Variants in TSPAN18 observed in about 807,000 individuals in gnomAD.
TSPAN18 encodes tetraspanin-18.
TSPAN18 carries 14 observed loss-of-function variants against 27.3 expected under a neutral mutation model. That is an observed-to-expected ratio of 0.51 (90% CI 0.34 to 0.80). TSPAN18 has a LOEUF of 0.80. TSPAN18 is among the 30% of genes least tolerant of loss of function. The pLI is 0.01. For missense variants in TSPAN18, 268 were observed against 323.9 expected (o/e 0.83, Z 1.32); for synonymous variants, 143 against 136.5 (o/e 1.05, Z -0.33).
At chr11:44,756,277 C>G (rs80002692) in intron 1 of TSPAN18, among the ~76,000 whole-genome samples, 1 of 146,974 alleles carries the variant, frequency 6.8e-6, no homozygotes, top group Non-Finnish European at 1.5e-5. Flanking sequence ...AGGGGTGTAG[C>G]CCCCATCTGT....
chr11:44,837,036 T>C (rs1201098221), intron 2 of TSPAN18, among the ~76,000 whole-genome samples: 1 of 152,216 alleles, frequency 6.6e-6, no homozygotes, highest in East Asian at 1.9e-4. Flanking sequence ...CTGCAGCCCA[T>C]GGATCAAGAA....
chr11:44,890,697 C>T (rs7951922), intron 3 of TSPAN18, among the ~76,000 whole-genome samples: 5,510 of 144,156 alleles, frequency 0.038, 259 homozygotes, highest in African/African-American at 0.1. Flanking sequence ...GAGCCGAGAT[C>T]ACGCCACTGC....
intron 7 of TSPAN18, 152 bp from the exon 8 acceptor site, chr11:44,919,665 G>A (rs1565009811): frequency 1.3e-6 from 1 of 766,606 alleles, no homozygotes; most frequent in East Asian, 2.4e-5. Flanking sequence ...AAGCTGAGTG[G>A]CTTTCCCATG....
intron 1 of TSPAN18, among the ~76,000 whole-genome samples, chr11:44,758,925 A>G (rs1855390638): frequency 6.6e-6 from 1 of 152,178 alleles, no homozygotes; most frequent in Admixed American, 6.5e-5. Flanking sequence ...CCTGTTGAAG[A>G]TAGGCAGCAG....
intron 3 of TSPAN18, among the ~76,000 whole-genome samples, chr11:44,865,674 T>G (rs1392026897): frequency 6.6e-6 from 1 of 152,098 alleles, no homozygotes; most frequent in East Asian, 1.9e-4. Flanking sequence ...GACTAGAACT[T>G]TTCTTCTTTT....
intron 4 of TSPAN18, among the ~76,000 whole-genome samples, chr11:44,908,728 T>A: frequency 1.0e-5 from 1 of 96,674 alleles, no homozygotes. Flanking sequence ...AGCAAGACTG[T>A]CTCAAAAAAG....
At chr11:44,845,346 G>A (rs536273542) in intron 2 of TSPAN18, among the ~76,000 whole-genome samples, 8 of 152,324 alleles carry the variant, frequency 5.3e-5, no homozygotes, top group African/African-American at 1.7e-4. Flanking sequence ...CTGTTGCATC[G>A]ATGAAAGGTG....
At chr11:44,906,327 G>C in intron 3 of TSPAN18, 80 bp from the exon 4 acceptor site, 1 of 1,292,810 alleles carries the variant, frequency 7.7e-7, no homozygotes, top group Non-Finnish European at 1.1e-6. Flanking sequence ...GCTGGCTGCG[G>C]GGAACCCCTG....
intron 1 of TSPAN18, among the ~76,000 whole-genome samples, chr11:44,729,083 A>G (rs1565123938): frequency 1.3e-5 from 2 of 152,192 alleles, no homozygotes; most frequent in East Asian, 3.8e-4. Context: ...AGTCTGCCAC[A>G]TGTTTTTGTT....
intron 2 of TSPAN18, among the ~76,000 whole-genome samples, chr11:44,858,163 C>G (rs1414912429): frequency 6.6e-6 from 1 of 152,200 alleles, no homozygotes; most frequent in East Asian, 1.9e-4. Flanking sequence ...ACCTTTCTAT[C>G]TCATTTCTAC....
chr11:44,931,112 C>T lies in TSPAN18; in HGVS notation c.*1934C>T, dbSNP rs554696061. ...CTTGCCCTCCCACCAGGTCTCTGAG[C>T]TCAGTGTTACCAAATTCGCCCTTTA... On this transcript the variant is annotated 3_prime_UTR_variant, in exon 10 of 10. Transcript: ENST00000520358. 1.3e-5 allele frequency: 5 copies of T among 374,612 alleles called. No homozygotes were observed. The Admixed American group carries it at 1.6e-4, about 12-fold the overall frequency. 23.2% of individuals were successfully genotyped at this position (374,612 alleles called of 1,614,324 possible).
At chr11:44,851,766 T>C (rs1350153414) in intron 2 of TSPAN18, among the ~76,000 whole-genome samples, 1 of 152,120 alleles carries the variant, frequency 6.6e-6, no homozygotes, top group African/African-American at 2.4e-5. Context: ...TTAGAGCACC[T>C]TTCTTCCTCA....
intron 2 of TSPAN18, among the ~76,000 whole-genome samples, chr11:44,811,174 A>ACC (rs1554986615): frequency 4.3e-4 from 54 of 126,080 alleles, no homozygotes; most frequent in African/African-American, 1.3e-3. Context: ...ACACACACAC[A>ACC]CCCCTGCCTG....
chr11:44,740,660 T>C (rs903777986), intron 1 of TSPAN18, among the ~76,000 whole-genome samples: 5 of 152,218 alleles, frequency 3.3e-5, no homozygotes, highest in Non-Finnish European at 7.4e-5. Context: ...AACCCCATCC[T>C]AGCCTGTGAA....
chr11:44,878,989 T>C (rs1350022312), intron 3 of TSPAN18, among the ~76,000 whole-genome samples: 1 of 152,210 alleles, frequency 6.6e-6, no homozygotes, highest in Non-Finnish European at 1.5e-5. Flanking sequence ...CAGGGCTGGC[T>C]TCACAGCCAC....
chr11:44,750,560 A>G (rs1374061084), intron 1 of TSPAN18, among the ~76,000 whole-genome samples: 1 of 151,956 alleles, frequency 6.6e-6, no homozygotes, highest in Non-Finnish European at 1.5e-5. Flanking sequence ...TGAATGCAAC[A>G]TCTCCCTCCA....
intron 3 of TSPAN18, among the ~76,000 whole-genome samples, chr11:44,904,128 G>A (rs1321288670): frequency 6.6e-6 from 1 of 152,076 alleles, no homozygotes; most frequent in African/African-American, 2.4e-5. Context: ...GGAGTCCCTG[G>A]GTCAGGTTCA....
At chr11:44,888,108 G>A (rs183507711) in intron 3 of TSPAN18, among the ~76,000 whole-genome samples, 1 of 152,270 alleles carries the variant, frequency 6.6e-6, no homozygotes, top group Non-Finnish European at 1.5e-5. Flanking sequence ...GGCTTTGCCC[G>A]AGTTTTCAGG....
At chr11:44,826,212 TAGG>T (rs1236538197) in intron 2 of TSPAN18, among the ~76,000 whole-genome samples, 2 of 152,042 alleles carry the variant, frequency 1.3e-5, no homozygotes, top group Non-Finnish European at 2.9e-5. Context: ...CACCTGAGAT[TAGG>T]AGTTCAAGAC....
Sources: gnomAD v4.1 joint callset for allele counts (sites outside exome capture counted in the v4.1 genomes callset) on GRCh38, gnomAD v4.1.1 for gene constraint, MANE v1.5 for transcripts, NCBI Gene and HGNC (gene_info 2026-07-23, HGNC 2026-07-21) for gene names.